The following PABIR1 variants were observed in gnomAD, a reference collection of about 807,000 sequenced individuals.
The protein encoded by PABIR1 is PPP2R1A-PPP2R2A-interacting phosphatase regulator 1.
In PABIR1, 2 loss-of-function variants were observed where a neutral mutation model predicts 14.6. The ratio of observed to expected loss-of-function variants is 0.14; its 90% confidence interval spans 0.06 to 0.43. The LOEUF is 0.43. PABIR1 is among the 20% of genes least tolerant of loss of function. The pLI is 0.99. For synonymous variants in PABIR1, 163 were observed against 155.4 expected, an observed-to-expected ratio of 1.05 and a Z score of -0.36; for missense variants, 294 against 379.0, an observed-to-expected ratio of 0.78 and a Z score of 1.86.
Position 68,784,526 on chromosome 9 carries a change from T to G in PABIR1, c.*3498T>G, listed in dbSNP as rs1831498376. 6.0e-6 allele frequency: 1 copy of G among 166,702 alleles called. No homozygotes were observed. Among genetic ancestry groups the G allele is most frequent in the Non-Finnish European group, 1.5e-5 (1 of 68,120 alleles). The allele number at this position is 166,702 out of a possible 1,614,324, so 10.3% of individuals were successfully genotyped here. A position where few individuals can be genotyped will look rare whatever the true frequency, so the allele number is the denominator to read the frequency against. ...CCTTCCAGTGATTCACATTTATTAGTTCAACCAGTTACATACCTGTAGCAA... is the reference window on the plus strand; with the variant it reads ...CCTTCCAGTGATTCACATTTATTAGGTCAACCAGTTACATACCTGTAGCAA... On this transcript the variant is annotated 3_prime_UTR_variant, in exon 1 of 1. Transcript: ENST00000394264.
At position 68,782,863 on chromosome 9, in the gene PABIR1, C is replaced by T. The variant is rs1831378101; in HGVS notation, c.*1835C>T. On this transcript the variant is annotated 3_prime_UTR_variant, in exon 1 of 1. Coordinates refer to ENST00000394264, the MANE Select transcript of PABIR1 (RefSeq NM_138333.5). The stretch of plus-strand genomic sequence containing the variant: ...CTCACTTCACCTGTTCTTGCATTAG[C>T]TCAATTGATGTCATCACTGATTTCC... The T allele has an allele frequency of 6.0e-6, 1 of 167,056 alleles. No homozygotes were observed. Among genetic ancestry groups the T allele is most frequent in the Non-Finnish European group, 1.5e-5 (1 of 68,122 alleles). The allele number at this position is 167,056 out of a possible 1,614,324, so 10.3% of individuals were successfully genotyped here.
In PABIR1 at chr9:68,782,872, T is replaced by G. The variant is rs1481935192; in HGVS notation, c.*1844T>G. ...CCTGTTCTTGCATTAGCTCAATTGA[T>G]GTCATCACTGATTTCCTAAACTAGA... On this transcript the variant is annotated 3_prime_UTR_variant, in exon 1 of 1. Transcript: ENST00000394264. 1 of 167,106 alleles carries G rather than the reference T, an allele frequency of 6.0e-6. No homozygotes were observed. Among genetic ancestry groups the G allele is most frequent in the Non-Finnish European group, 1.5e-5 (1 of 68,138 alleles). 10.4% of individuals were successfully genotyped at this position (167,106 alleles called of 1,614,324 possible).
In PABIR1 at chr9:68,780,370, A is replaced by G; in HGVS notation, c.206A>G (p.His69Arg). 1 of 1,613,168 alleles carries G rather than the reference A, an allele frequency of 6.2e-7. No individual in the cohort carries two copies. Among genetic ancestry groups the G allele is most frequent in the Non-Finnish European group, 8.5e-7 (1 of 1,179,824 alleles). The change falls in exon 1 of 1, where the codon CAC becomes CGC. Residue 69 changes from histidine to arginine, a missense_variant. Around this residue, in one of 3 missense-constraint regions of PABIR1, gnomAD observed 96 missense variants for 102.2 expected, o/e 0.94. Coordinates refer to ENST00000394264, the MANE Select transcript of PABIR1 (RefSeq NM_138333.5). ...RRNSTTFPSR[H>R]GLLLPASPVR... Reference sequence around the variant, plus strand: ...AACAGCACAACGTTCCCGAGCCGCCACGGCCTGCTGCTGCCGGCCTCCCCT... The same window carrying G: ...AACAGCACAACGTTCCCGAGCCGCCGCGGCCTGCTGCTGCCGGCCTCCCCT...
In PABIR1 at chr9:68,780,303, A is replaced by T. The variant is rs1005221616; in HGVS notation, c.139A>T (p.Thr47Ser). The change falls in exon 1 of 1, where the codon ACT becomes TCT. Residue 47 changes from threonine (T) to serine (S), a missense_variant. Transcript: ENST00000394264. ...CCCCCTGATCCACGGCCTCAGTGAC[A>T]CTTCGCCGGTGTTCCAGGCCGAGGC... ...SAPLIHGLSD[T>S]SPVFQAEAPS... 9 of 1,599,198 alleles carry T rather than the reference A, an allele frequency of 5.6e-6. No homozygotes were observed. The highest frequency in any genetic ancestry group is 1.3e-5 in the African/African-American group (1 of 74,472).
rs1225947524 is a variant in PABIR1, at chr9:68,780,401, C to T, written c.237C>T (p.Arg79=). Residue 79 remains arginine (R), a synonymous_variant, in exon 1 of 1, where the codon CGC becomes CGT. Coordinates refer to ENST00000394264, the MANE Select transcript of PABIR1 (RefSeq NM_138333.5). ...TGCTGCTGCCGGCCTCCCCTGTCCGCATGCACAGCAGCCGCTTGCACCAGA... is the reference window on the plus strand; with the variant it reads ...TGCTGCTGCCGGCCTCCCCTGTCCGTATGCACAGCAGCCGCTTGCACCAGA... ...HGLLLPASPV[R]MHSSRLHQIK... 3 of 1,613,896 alleles carry T rather than the reference C, an allele frequency of 1.9e-6. No individual in the cohort carries two copies. Among genetic ancestry groups the T allele is most frequent in the African/African-American group, 2.7e-5 (2 of 75,076 alleles).
In PABIR1 at chr9:68,782,908, G is replaced by A. The variant is rs1251144477; in HGVS notation, c.*1880G>A. On this transcript the variant is annotated 3_prime_UTR_variant, in exon 1 of 1. Transcript: ENST00000394264. ...ATTTCCTAAACTAGAAACTATGGAA[G>A]CATCTTTGACTTTTCCTTTTCTCTG... The A allele has an allele frequency of 1.2e-5, 2 of 167,044 alleles. No individual in the cohort carries two copies. Among genetic ancestry groups the A allele is most frequent in the East Asian group, 3.8e-4 (2 of 5,210 alleles). The allele number at this position is 167,044 out of a possible 1,614,324, so 10.3% of individuals were successfully genotyped here. A position where few individuals can be genotyped will look rare whatever the true frequency, so the allele number is the denominator to read the frequency against.
At position 68,785,501 on chromosome 9, in the gene PABIR1, A is replaced by T. The variant is rs1831559680; in HGVS notation, c.*4473A>T. The stretch of plus-strand genomic sequence containing the variant: ...CTGTAACTTGCCATCCAAGTAAAAA[A>T]ATTTTCTTAAAAGTTGAAATGACCT... On this transcript the variant is annotated 3_prime_UTR_variant, in exon 1 of 1. Coordinates refer to ENST00000394264, the MANE Select transcript of PABIR1 (RefSeq NM_138333.5). Among the ~76,000 whole-genome samples the T allele has an allele frequency of 6.6e-6, 1 of 152,222 alleles. No individual in the cohort carries two copies. Among genetic ancestry groups the T allele is most frequent in the Admixed American group, 6.5e-5 (1 of 15,286 alleles).
At position 68,780,393 on chromosome 9, in the gene PABIR1, C is replaced by G. The variant is rs769949201; in HGVS notation, c.229C>G (p.Pro77Ala). Reference sequence around the variant, plus strand: ...CCACGGCCTGCTGCTGCCGGCCTCCCCTGTCCGCATGCACAGCAGCCGCTT... The same window carrying G: ...CCACGGCCTGCTGCTGCCGGCCTCCGCTGTCCGCATGCACAGCAGCCGCTT... The part of the protein sequence containing the change: ...SRHGLLLPAS[P>A]VRMHSSRLHQ... The change falls in exon 1 of 1, where the codon CCT becomes GCT. Residue 77 changes from proline (P) to alanine (A), a missense_variant. Coordinates refer to ENST00000394264, the MANE Select transcript of PABIR1 (RefSeq NM_138333.5). 1.2e-6 allele frequency: 2 copies of G among 1,613,866 alleles called. No individual in the cohort carries two copies. The highest frequency in any genetic ancestry group is 1.7e-6 in the Non-Finnish European group (2 of 1,180,042).
rs1364507636 is a variant in PABIR1 at position 68,781,844 on chromosome 9, G to A, written c.*816G>A. On this transcript the variant is annotated 3_prime_UTR_variant, in exon 1 of 1. Transcript: ENST00000394264. Reference sequence around the variant, plus strand: ...CTTTGCCCACTATACATAGGCTAAGGCTAAGCTCTTTGTACTACTGCAAAC... The same window carrying A: ...CTTTGCCCACTATACATAGGCTAAGACTAAGCTCTTTGTACTACTGCAAAC... 1 of 166,912 alleles carries A rather than the reference G, an allele frequency of 6.0e-6. No individual in the cohort carries two copies. Among genetic ancestry groups the A allele is most frequent in the African/African-American group, 2.4e-5 (1 of 41,394 alleles). The allele number at this position is 166,912 out of a possible 1,614,324, so 10.3% of individuals were successfully genotyped here.
At position 68,781,035 on chromosome 9, in the gene PABIR1, C is replaced by A; in HGVS notation, c.*7C>A. 6.2e-7 allele frequency: 1 copy of A among 1,605,020 alleles called. No individual in the cohort carries two copies. Among genetic ancestry groups the A allele is most frequent in the Non-Finnish European group, 8.5e-7 (1 of 1,174,032 alleles). Reference sequence around the variant, plus strand: ...TGAACTTTCGTCTAAGTGATTCACTCATCCTGAGACTTTCTTTTTGCAGTG... The same window carrying A: ...TGAACTTTCGTCTAAGTGATTCACTAATCCTGAGACTTTCTTTTTGCAGTG... On this transcript the variant is annotated 3_prime_UTR_variant, in exon 1 of 1. Coordinates refer to ENST00000394264, the MANE Select transcript of PABIR1 (RefSeq NM_138333.5).
Position 68,781,843 on chromosome 9 carries a change from G to A in PABIR1, c.*815G>A, listed in dbSNP as rs1461927607. ...TCTTTGCCCACTATACATAGGCTAAGGCTAAGCTCTTTGTACTACTGCAAA... is the reference window on the plus strand; with the variant it reads ...TCTTTGCCCACTATACATAGGCTAAAGCTAAGCTCTTTGTACTACTGCAAA... On this transcript the variant is annotated 3_prime_UTR_variant, in exon 1 of 1. Transcript: ENST00000394264. 1.8e-5 allele frequency: 3 copies of A among 166,914 alleles called. No homozygotes were observed. In the East Asian group the frequency reaches 5.8e-4, roughly 32 times the overall value. 10.3% of individuals were successfully genotyped at this position (166,914 alleles called of 1,614,324 possible).
rs144363393 is a variant in PABIR1 at position 68,782,092 on chromosome 9, T to C, written c.*1064T>C. ...TTCCCTTGTTCAGGAAGGAAGCAGCTGTTTCCTTGCCAACAGGTCCCTTCC... is the reference window on the plus strand; with the variant it reads ...TTCCCTTGTTCAGGAAGGAAGCAGCCGTTTCCTTGCCAACAGGTCCCTTCC... On this transcript the variant is annotated 3_prime_UTR_variant, in exon 1 of 1. Coordinates refer to ENST00000394264, the MANE Select transcript of PABIR1 (RefSeq NM_138333.5). The C allele has an allele frequency of 4.6e-3, 772 of 167,224 alleles. 5 individuals are homozygous for C. Among genetic ancestry groups the C allele is most frequent in the South Asian group, 0.024 (118 of 4,824 alleles). 10.4% of individuals were successfully genotyped at this position (167,224 alleles called of 1,614,324 possible). A position where few individuals can be genotyped will look rare whatever the true frequency, so the allele number is the denominator to read the frequency against.
At position 68,782,043 on chromosome 9, in the gene PABIR1, T is replaced by A. The variant is rs1831319937; in HGVS notation, c.*1015T>A. 1 of 167,148 alleles carries A rather than the reference T, an allele frequency of 6.0e-6. No individual in the cohort carries two copies. Among genetic ancestry groups the A allele is most frequent in the African/African-American group, 2.4e-5 (1 of 41,472 alleles). 10.4% of individuals were successfully genotyped at this position (167,148 alleles called of 1,614,324 possible). A position where few individuals can be genotyped will look rare whatever the true frequency, so the allele number is the denominator to read the frequency against. On this transcript the variant is annotated 3_prime_UTR_variant, in exon 1 of 1. Coordinates refer to ENST00000394264, the MANE Select transcript of PABIR1 (RefSeq NM_138333.5). The stretch of plus-strand genomic sequence containing the variant: ...GCAATTTTTGGCTACTTTTCTGCTC[T>A]GCCCATCTGTCACCTTACTGGTTTT...
In PABIR1 at chr9:68,780,281, C is replaced by G. The variant is rs769009779; in HGVS notation, c.117C>G (p.Pro39=). The change falls in exon 1 of 1, where the codon CCC becomes CCG. Residue 39 remains proline (P), a synonymous_variant. Transcript: ENST00000394264. ...GGGLRRSNSA[P]LIHGLSDTSP... ...GCCTCAGGAGGTCTAACAGCGCCCC[C>G]CTGATCCACGGCCTCAGTGACACTT... The G allele has an allele frequency of 4.4e-6, 7 of 1,586,970 alleles. No individual in the cohort carries two copies. Among genetic ancestry groups the G allele is most frequent in the Non-Finnish European group, 6.0e-6 (7 of 1,167,572 alleles).
rs763757644 is a variant in PABIR1 at position 68,780,909 on chromosome 9, A to G, written c.745A>G (p.Ser249Gly). The G allele has an allele frequency of 6.2e-7, 1 of 1,614,134 alleles. No individual in the cohort carries two copies. Among genetic ancestry groups the G allele is most frequent in the Non-Finnish European group, 8.5e-7 (1 of 1,180,056 alleles). Residue 249 changes from serine to glycine, a missense_variant, in exon 1 of 1, where the codon AGC becomes GGC. Ser to Gly is a moderately conservative substitution (Grantham distance 56, BLOSUM62 0). This residue lies in a region of PABIR1 where 95 missense variants were observed against 100.8 expected (regional missense o/e 0.94). Transcript: ENST00000394264. ...TTCGGATACCCTTGATGGAAACAGC[A>G]GCAGTGCCGGATCTTCTTGTAACTC... ...VSSDTLDGNS[S>G]SAGSSCNSPA...
At position 68,780,232 on chromosome 9, in the gene PABIR1, G is replaced by C. The variant is rs1341907043; in HGVS notation, c.68G>C (p.Gly23Ala). ...PPGTGGSPAE[G>A]GGSGGGGGLR... ...GGTACGGGCGGGAGCCCGGCGGAGG[G>C]CGGTGGCAGCGGCGGCGGCGGGGGC... Residue 23 changes from glycine (G) to alanine (A), a missense_variant, in exon 1 of 1, where the codon GGC becomes GCC. Physicochemically the swap from Gly to Ala is moderately conservative, Grantham distance 60. This residue lies in a region of PABIR1 where 96 missense variants were observed against 102.2 expected (regional missense o/e 0.94). Coordinates refer to ENST00000394264, the MANE Select transcript of PABIR1 (RefSeq NM_138333.5). 3 of 1,543,018 alleles carry C rather than the reference G, an allele frequency of 1.9e-6. No homozygotes were observed. The highest frequency in any genetic ancestry group is 1.4e-5 in the African/African-American group (1 of 72,424).
In PABIR1 at chr9:68,780,733, C is replaced by T; in HGVS notation, c.569C>T (p.Pro190Leu). 2 of 1,614,228 alleles carry T rather than the reference C, an allele frequency of 1.2e-6. No homozygotes were observed. Among genetic ancestry groups the T allele is most frequent in the Non-Finnish European group, 1.7e-6 (2 of 1,180,040 alleles). ...TTTACCACCCGGAGAAGCCAGAGCC[C>T]CATCAATTGCATTAGACCAAGTGTT... ...TRFTTRRSQS[P>L]INCIRPSVLG... Residue 190 changes from proline to leucine, a missense_variant, in exon 1 of 1, where the codon CCC (proline) becomes CTC (leucine). By Grantham distance (98) the Pro-to-Leu change is moderately conservative (BLOSUM62 -3). This residue lies in a region of PABIR1 where 103 missense variants were observed against 175.9 expected (regional missense o/e 0.59). Transcript: ENST00000394264.
chr9:68,781,036 A>T lies in PABIR1; in HGVS notation c.*8A>T. 6.2e-7 allele frequency: 1 copy of T among 1,605,214 alleles called. No homozygotes were observed. Among genetic ancestry groups the T allele is most frequent in the Non-Finnish European group, 8.5e-7 (1 of 1,174,062 alleles). ...GAACTTTCGTCTAAGTGATTCACTC[A>T]TCCTGAGACTTTCTTTTTGCAGTGG... On this transcript the variant is annotated 3_prime_UTR_variant, in exon 1 of 1. Transcript: ENST00000394264.
At position 68,781,116 on chromosome 9, in the gene PABIR1, G is replaced by T; in HGVS notation, c.*88G>T. On this transcript the variant is annotated 3_prime_UTR_variant, in exon 1 of 1. Coordinates refer to ENST00000394264, the MANE Select transcript of PABIR1 (RefSeq NM_138333.5). ...ACTGAACTTTGTCAATTAATTTGAG[G>T]CTATTTCCTATTTGACCCCTTTTCT... 1 of 1,486,904 alleles carries T rather than the reference G, an allele frequency of 6.7e-7. No individual in the cohort carries two copies. The highest frequency in any genetic ancestry group is 1.4e-5 in the African/African-American group (1 of 71,084). The allele number at this position is 1,486,904 out of a possible 1,614,324, so 92.1% of individuals were successfully genotyped here. A position where few individuals can be genotyped will look rare whatever the true frequency, so the allele number is the denominator to read the frequency against.
Sources: gnomAD v4.1 joint callset for allele counts (sites outside exome capture counted in the v4.1 genomes callset) on GRCh38, gnomAD v4.1.1 for gene constraint, gnomAD v4.1.1 regional missense constraint, MANE v1.5 for transcripts, NCBI Gene and HGNC (gene_info 2026-07-23, HGNC 2026-07-21) for gene names.